KLC3: variants seen among roughly 807,000 people sequenced by gnomAD.
The protein encoded by KLC3 is kinesin light chain 2.
Under a neutral mutation model 62.9 loss-of-function variants are expected in KLC3, and 72 were observed. The observed-to-expected ratio is 1.15, with a 90% CI of 0.95 to 1.39. The LOEUF (loss-of-function observed/expected upper bound fraction) is 1.39, where lower values mean the gene tolerates loss of function less well. KLC3 is among the 40% of genes most tolerant of loss of function. The pLI is 0.00. For missense variants in KLC3, 848 were observed against 691.6 expected, an observed-to-expected ratio of 1.23 and a Z score of -2.54; for synonymous variants, 377 against 300.5, an observed-to-expected ratio of 1.25 and a Z score of -2.63.
chr19:45,342,134 CTG>C (rs1457494018), intron 1 of KLC3, among the ~76,000 whole-genome samples: 4 of 151,938 alleles, frequency 2.6e-5, no homozygotes, highest in African/African-American at 9.7e-5. Flanking sequence ...GTGTGTAAGG[CTG>C]TGTCTGAGGT....
At chr19:45,347,176 C>G (rs149679548) in intron 3 of KLC3, 4 of 469,008 alleles carry the variant, frequency 8.5e-6, no homozygotes, top group Non-Finnish European at 1.1e-5. Context: ...AACCCCGTCT[C>G]TACTAAAAAT....
Position 45,348,220 on chromosome 19 carries a change from G to T in KLC3, c.779+60G>T, listed in dbSNP as rs1463450863. 6 of 1,443,548 alleles carry T rather than the reference G, an allele frequency of 4.2e-6. No individual in the cohort carries two copies. In the African/African-American group the frequency reaches 8.4e-5, roughly 20 times the overall value. The allele number at this position is 1,443,548 out of a possible 1,614,324, so 89.4% of individuals were successfully genotyped here. ...AACGGCAGGGACCCATTGGGTGCAAGTGGAAGGATCCTGGTGCCCCCTCTG... is the reference window on the plus strand; with the variant it reads ...AACGGCAGGGACCCATTGGGTGCAATTGGAAGGATCCTGGTGCCCCCTCTG... On this transcript the variant is annotated intron_variant, in intron 5 of 12. Coordinates refer to ENST00000391946, the MANE Select transcript of KLC3 (RefSeq NM_177417.3).
intron 7 of KLC3, 80 bp from the exon 8 acceptor site, chr19:45,349,349 C>G (rs1971598151): frequency 3.5e-6 from 5 of 1,430,562 alleles, no homozygotes; most frequent in Non-Finnish European, 4.7e-6. Flanking sequence ...ATCCCCAACT[C>G]ATGACCACCA....
intron 10 of KLC3, 34 bp from the exon 11 acceptor site, chr19:45,350,607 G>A: frequency 6.2e-7 from 1 of 1,613,334 alleles, no homozygotes; most frequent in Non-Finnish European, 8.5e-7. Context: ...GCATGGGCCT[G>A]GGGGACTGAG....
intron 1 of KLC3, among the ~76,000 whole-genome samples, chr19:45,343,561 C>T (rs947134367): frequency 2.6e-5 from 4 of 152,152 alleles, no homozygotes; most frequent in Non-Finnish European, 4.4e-5. Context: ...TCTCAAACTC[C>T]TGACCTCAAC....
chr19:45,349,832 A>T (rs959419821), intron 8 of KLC3: 2 of 542,598 alleles, frequency 3.7e-6, no homozygotes, highest in Admixed American at 6.9e-5. Context: ...GCTGGCAGGC[A>T]CAGGTGGCAG....
rs775372677 is a variant in KLC3, at chr19:45,346,750, G to A, written c.465G>A (p.Gln155=). 1 of 1,586,628 alleles carries A rather than the reference G, an allele frequency of 6.3e-7. No individual in the cohort carries two copies. The highest frequency in any genetic ancestry group is 8.6e-7 in the Non-Finnish European group (1 of 1,167,302). The change falls in exon 3 of 13, where the codon CAG becomes CAA. Residue 155 remains glutamine, a synonymous_variant. Coordinates refer to ENST00000391946, the MANE Select transcript of KLC3 (RefSeq NM_177417.3). ...TGGAGTTCCTGGGGCAGCTGCGACAGTACGACCCACCGGCGGAGAGCCAGG... is the reference window on the plus strand; with the variant it reads ...TGGAGTTCCTGGGGCAGCTGCGACAATACGACCCACCGGCGGAGAGCCAGG... ...RHLEFLGQLR[Q]YDPPAESQQS...
At chr19:45,343,841 CT>C (rs1971436295) in intron 1 of KLC3, among the ~76,000 whole-genome samples, 1 of 80,522 alleles carries the variant, frequency 1.2e-5, no homozygotes, top group Non-Finnish European at 3.3e-5. Context: ...TTATGCTGTC[CT>C]TTCTTTCTTT....
chr19:45,343,267 GTGATT>G (rs1261225456), intron 1 of KLC3, among the ~76,000 whole-genome samples: 5 of 152,166 alleles, frequency 3.3e-5, no homozygotes, highest in Non-Finnish European at 5.9e-5. Flanking sequence ...CTGAATGTGA[GTGATT>G]TGGGGAGTGG....
At chr19:45,346,843 CT>C in intron 3 of KLC3, 69 bp downstream of exon 3, 2 of 1,385,172 alleles carry the variant, frequency 1.4e-6, no homozygotes, top group Non-Finnish European at 9.9e-7. Context: ...CCAGACCCTC[CT>C]TAGAATCCCA....
chr19:45,346,884 C>CAGTCCCCAAGATCCTCCTTAGAATCCCAT, intron 3 of KLC3, 110 bp downstream of exon 3: 1 of 1,050,086 alleles, frequency 9.5e-7, no homozygotes, highest in South Asian at 1.5e-5. Flanking sequence ...TAGAATCCCA[C>CAGTCCCCAAGATCCTCCTTAGAATCCCAT]AGTCCCCCAG....
intron 5 of KLC3, 150 bp downstream of exon 5, chr19:45,348,310 T>A: frequency 3.9e-6 from 3 of 771,670 alleles, no homozygotes; most frequent in Non-Finnish European, 6.2e-6. Context: ...AAGGGAAGGC[T>A]CCTGCTGTGA....
At position 45,350,894 on chromosome 19, in the gene KLC3, CCTCGTGGAGGGGGGCCACTCCTGG is replaced by C; in HGVS notation, c.1380-59_1380-36del. 5 of 1,578,868 alleles carry C rather than the reference CCTCGTGGAGGGGGGCCACTCCTGG, an allele frequency of 3.2e-6. No individual in the cohort carries two copies. The East Asian group carries it at 1.1e-4, about 35-fold the overall frequency. Reference sequence around the variant, plus strand: ...GATCAAACCCTGTGCTGGAAAGGTCCCTCGTGGAGGGGGGCCACTCCTGGATTCACTCATTTCCTCCCTGCTGCC... The same window carrying C: ...GATCAAACCCTGTGCTGGAAAGGTCCATTCACTCATTTCCTCCCTGCTGCC... On this transcript the variant is annotated intron_variant, in intron 11 of 12. Transcript: ENST00000391946.
intron 1 of KLC3, chr19:45,344,877 G>A (rs945402108): frequency 6.5e-6 from 1 of 153,480 alleles, no homozygotes; most frequent in Non-Finnish European, 1.4e-5. Flanking sequence ...GAGGAGGGCG[G>A]AGCCCCTGTT....
chr19:45,346,296 C>T (rs550917700), intron 2 of KLC3, among the ~76,000 whole-genome samples: 2 of 152,226 alleles, frequency 1.3e-5, no homozygotes, highest in Non-Finnish European at 1.5e-5. Flanking sequence ...TTGTGTGTGA[C>T]AGGGACCCCT....
intron 11 of KLC3, 55 bp from the exon 12 acceptor site, chr19:45,350,899 T>G: frequency 6.3e-7 from 1 of 1,580,382 alleles, no homozygotes; most frequent in Admixed American, 1.7e-5. Context: ...AGGTCCCTCG[T>G]GGAGGGGGGC....
intron 8 of KLC3, 75 bp downstream of exon 8, chr19:45,349,677 A>C: frequency 1.5e-5 from 14 of 932,798 alleles, no homozygotes; most frequent in Non-Finnish European, 2.0e-5. Flanking sequence ...GGTTGGATAC[A>C]GGGTGAGCAA....
chr19:45,350,798 G>GCCCACCCCACC, intron 11 of KLC3, 51 bp downstream of exon 11: 1 of 1,434,616 alleles, frequency 7.0e-7, no homozygotes, highest in Admixed American at 1.9e-5. Context: ...AGAATCCACA[G>GCCCACCCCACC]CCCACCCCAC....
chr19:45,342,039 T>C (rs1971407455), intron 1 of KLC3, among the ~76,000 whole-genome samples: 1 of 151,934 alleles, frequency 6.6e-6, no homozygotes, highest in Non-Finnish European at 1.5e-5. Flanking sequence ...GGAGCTGCTG[T>C]GTGTCTGGGA....
Sources: gnomAD v4.1 joint callset for allele counts (sites outside exome capture counted in the v4.1 genomes callset) on GRCh38, gnomAD v4.1.1 for gene constraint, MANE v1.5 for transcripts, NCBI Gene and HGNC (gene_info 2026-07-23, HGNC 2026-07-21) for gene names.